Variants in SYPL1 observed in about 807,000 individuals in gnomAD.
SYPL1 encodes the protein synaptophysin-like protein 1.
Under a neutral mutation model 23.7 loss-of-function variants are expected in SYPL1, and 6 were observed. That is an observed-to-expected ratio of 0.25 (90% CI 0.14 to 0.50). The LOEUF is 0.50. SYPL1 is among the 20% of genes least tolerant of loss of function. The pLI is 0.98. For synonymous variants in SYPL1, 102 were observed against 104.5 expected (o/e 0.98, Z 0.15); for missense variants, 253 against 288.9 (o/e 0.88, Z 0.90).
chr7:106,108,923 T>C (rs1008820962), intron 1 of SYPL1, among the ~76,000 whole-genome samples: 2 of 152,168 alleles, frequency 1.3e-5, no homozygotes, highest in African/African-American at 4.8e-5. Context: ...GTGCTGACAT[T>C]TGTACTGATG....
upstream of SYPL1, chr7:106,112,421 C>T (rs1337407104): frequency 1.7e-6 from 2 of 1,182,104 alleles, no homozygotes; most frequent in Admixed American, 4.3e-5. Flanking sequence ...AGTGGGGCGG[C>T]TGGGGAGGCG....
intron 2 of SYPL1, 122 bp downstream of exon 2, chr7:106,099,036 T>C: frequency 8.0e-7 from 1 of 1,255,308 alleles, no homozygotes; most frequent in African/African-American, 1.5e-5. Context: ...TAATGATCAC[T>C]TACAAATGAG....
rs141795149 is a variant in SYPL1 at position 106,102,775 on chromosome 7, G to C, written c.70-3493C>G. Among the ~76,000 whole-genome samples, 2 of 152,162 alleles carry C rather than the reference G, an allele frequency of 1.3e-5. 1 individual carries two copies. Among genetic ancestry groups the C allele is most frequent in the South Asian group, 4.1e-4 (2 of 4,832 alleles). ...TTTGTTTTAAACTGCTAAGCTCGGC[G>C]TAATTTGTTATACAGCAATAGATAA... On this transcript the variant is annotated intron_variant, in intron 1 of 4. Coordinates refer to ENST00000455385, the MANE Select transcript of SYPL1 (RefSeq NM_182715.4).
rs1243601456 is a variant in SYPL1 at position 106,095,593 on chromosome 7, C to G, written c.402+2097G>C. On this transcript the variant is annotated intron_variant, in intron 3 of 4. Transcript: ENST00000455385. The surrounding 1 kb of genome is among the most constrained non-coding windows in gnomAD (Gnocchi z 4.3). ...CGAACTCCTGACCTCCTGGAGTGAT[C>G]CACCCACCTCGGCCTCCCAAAGTGC... Among the ~76,000 whole-genome samples, 1 of 152,132 alleles carries G rather than the reference C, an allele frequency of 6.6e-6. No homozygotes were observed. The highest frequency in any genetic ancestry group is 6.5e-5 in the Admixed American group (1 of 15,278).
rs1224545469 is a variant in SYPL1, at chr7:106,108,317, A to G, written c.69+3823T>C. Among the ~76,000 whole-genome samples the G allele has an allele frequency of 2.0e-5, 3 of 152,206 alleles. No homozygotes were observed. The East Asian group carries it at 5.8e-4, about 29-fold the overall frequency. On this transcript the variant is annotated intron_variant, in intron 1 of 4. Transcript: ENST00000455385. ...TGATCTGGCTGGCTGTCTTGAAGTA[A>G]GCCTGTCACTCTGTGGAAAACTGAC...
chr7:106,107,780 A>G (rs573407703), intron 1 of SYPL1, among the ~76,000 whole-genome samples: 1 of 152,066 alleles, frequency 6.6e-6, no homozygotes, highest in Non-Finnish European at 1.5e-5. Context: ...ATGAGAAGTA[A>G]ACTCTAGAGT....
chr7:106,097,822 T>C lies in SYPL1; in HGVS notation c.270A>G (p.Ile90Met). 4.3e-6 allele frequency: 7 copies of C among 1,614,090 alleles called. No homozygotes were observed. Among genetic ancestry groups the C allele is most frequent in the Non-Finnish European group, 5.9e-6 (7 of 1,179,966 alleles). ...ATTGTGCAGAAGAAGAGTAATCGCCTATGAGGACGTAATCTTTCCAATTTA... is the reference window on the plus strand; with the variant it reads ...ATTGTGCAGAAGAAGAGTAATCGCCCATGAGGACGTAATCTTTCCAATTTA... ...CDVNWKDYVLIGDYSSSAQFY... is the reference protein window; with the variant it reads ...CDVNWKDYVLMGDYSSSAQFY... Residue 90 changes from isoleucine to methionine, a missense_variant, in exon 3 of 5, where the codon ATA (isoleucine) becomes ATG (methionine). Physicochemically the swap from Ile to Met is conservative, Grantham distance 10. Coordinates refer to ENST00000455385, the MANE Select transcript of SYPL1 (RefSeq NM_182715.4). The surrounding 1 kb of genome is among the most constrained non-coding windows in gnomAD (Gnocchi z 4.6).
In SYPL1 at chr7:106,096,275, G is replaced by T. The variant is rs1464788775; in HGVS notation, c.402+1415C>A. 1 of 152,086 alleles carries T rather than the reference G, an allele frequency of 6.6e-6. No homozygotes were observed. Among genetic ancestry groups the T allele is most frequent in the Non-Finnish European group, 1.5e-5 (1 of 68,004 alleles). The allele number at this position is 152,086 out of a possible 1,614,324, so 9.4% of individuals were successfully genotyped here. The stretch of plus-strand genomic sequence containing the variant: ...ACAGAATTAAATATGAATGATAAAA[G>T]ACTGTTGTATTACTTACCATTTCCA... On this transcript the variant is annotated intron_variant, in intron 3 of 4. Coordinates refer to ENST00000455385, the MANE Select transcript of SYPL1 (RefSeq NM_182715.4). This position sits in a 1 kb window ranked among gnomAD's most constrained non-coding sequence, Gnocchi z 4.4.
Position 106,108,126 on chromosome 7 carries a change from C to T in SYPL1, c.69+4014G>A, listed in dbSNP as rs551058013. ...AGAAGAATCTCTGGAACCTGGAAGG[C>T]GAGGTTGCATTGAGCCGAGACCACA... On this transcript the variant is annotated intron_variant, in intron 1 of 4. Transcript: ENST00000455385. Among the ~76,000 whole-genome samples, 23 of 151,552 alleles carry T rather than the reference C, an allele frequency of 1.5e-4. No homozygotes were observed. In the South Asian group the frequency reaches 4.0e-3, roughly 26 times the overall value.
chr7:106,099,406 C>A, intron 1 of SYPL1, 124 bp from the exon 2 acceptor site: 2 of 1,215,452 alleles, frequency 1.6e-6, no homozygotes, highest in East Asian at 2.6e-5. Flanking sequence ...TCTAGAAATT[C>A]TTTTTTTGAG....
chr7:106,107,742 C>CAA (rs10622990), intron 1 of SYPL1, among the ~76,000 whole-genome samples: 5,383 of 79,274 alleles, frequency 0.068, 597 homozygotes, highest in African/African-American at 0.21. Flanking sequence ...ACTCCGTCTC[C>CAA]AAAAAAAAAA....
chr7:106,107,512 G>A (rs796118294), intron 1 of SYPL1, among the ~76,000 whole-genome samples: 20 of 152,156 alleles, frequency 1.3e-4, no homozygotes, highest in African/African-American at 4.8e-4. Flanking sequence ...AGGCCAGGGC[G>A]GACGGACTAC....
At position 106,093,518 on chromosome 7, in the gene SYPL1, C is replaced by T. The variant is rs1003800699; in HGVS notation, c.403-381G>A. Among the ~76,000 whole-genome samples the T allele has an allele frequency of 2.6e-5, 4 of 152,144 alleles. 1 individual carries two copies. The highest frequency in any genetic ancestry group is 9.7e-5 in the African/African-American group (4 of 41,412). ...TTTTGATCATCCCATTTTCCCATAA[C>T]ACCTCTTTCCAGCTCACTGTCTCTG... On this transcript the variant is annotated intron_variant, in intron 3 of 4. Coordinates refer to ENST00000455385, the MANE Select transcript of SYPL1 (RefSeq NM_182715.4).
rs188936528 is a variant in SYPL1 at position 106,097,563 on chromosome 7, C to T, written c.402+127G>A. 1.9e-5 allele frequency: 15 copies of T among 781,082 alleles called. No homozygotes were observed. In the South Asian group the frequency reaches 3.9e-4, roughly 20 times the overall value. The allele number at this position is 781,082 out of a possible 1,614,324, so 48.4% of individuals were successfully genotyped here. On this transcript the variant is annotated intron_variant, in intron 3 of 4. Coordinates refer to ENST00000455385, the MANE Select transcript of SYPL1 (RefSeq NM_182715.4). This position sits in a 1 kb window ranked among gnomAD's most constrained non-coding sequence, Gnocchi z 4.6. ...AACTTAATGGGAGAAAGCTCAACCT[C>T]GTGGCAAACACAGGCTAAAATATGC...
At chr7:106,101,462 C>A (rs753924111) in intron 1 of SYPL1, among the ~76,000 whole-genome samples, 2 of 69,416 alleles carry the variant, frequency 2.9e-5, no homozygotes, top group African/African-American at 6.3e-5. Flanking sequence ...CCCCCCCCCC[C>A]CCCCCACAAA....
rs6962415 is a variant in SYPL1 at position 106,112,259 on chromosome 7, G to A, written c.-51C>T. ...GTCAGGACGACGGGGCGGAGGAGGGGACCGACGAGACCAGAGCAGCCCGGT... is the reference window on the plus strand; with the variant it reads ...GTCAGGACGACGGGGCGGAGGAGGGAACCGACGAGACCAGAGCAGCCCGGT... On this transcript the variant is annotated 5_prime_UTR_variant, in exon 1 of 5. Transcript: ENST00000455385. The A allele has an allele frequency of 1.3e-6, 2 of 1,507,364 alleles. No homozygotes were observed. Among genetic ancestry groups the A allele is most frequent in the South Asian group, 1.2e-5 (1 of 80,858 alleles). 93.4% of individuals were successfully genotyped at this position (1,507,364 alleles called of 1,614,324 possible).
rs776904882 is a variant in SYPL1, at chr7:106,104,952, C to T, written c.70-5670G>A. 1.3e-5 allele frequency among the ~76,000 whole-genome samples: 2 copies of T among 152,244 alleles called. No individual in the cohort carries two copies. The highest frequency in any genetic ancestry group is 3.9e-4 in the East Asian group (2 of 5,180). ...GAATTTGTTGTCATTGTTTTAATATCAGGGTATTACACATAAAAATTTGGA... is the reference window on the plus strand; with the variant it reads ...GAATTTGTTGTCATTGTTTTAATATTAGGGTATTACACATAAAAATTTGGA... On this transcript the variant is annotated intron_variant, in intron 1 of 4. Transcript: ENST00000455385. This position sits in a 1 kb window ranked among gnomAD's most constrained non-coding sequence, Gnocchi z 4.1.
At chr7:106,099,902 A>T (rs1840225433) in intron 1 of SYPL1, among the ~76,000 whole-genome samples, 1 of 152,080 alleles carries the variant, frequency 6.6e-6, no homozygotes, top group African/African-American at 2.4e-5. Context: ...TCATTTGCAA[A>T]CCTCGACAAA....
chr7:106,103,745 A>C (rs567774166), intron 1 of SYPL1, among the ~76,000 whole-genome samples: 1 of 152,222 alleles, frequency 6.6e-6, no homozygotes, highest in African/African-American at 2.4e-5. Context: ...TTAATAGAAC[A>C]CTGAAAATTA....
Sources: allele counts gnomAD v4.1 joint callset (sites outside exome capture counted in the v4.1 genomes callset), GRCh38; gene constraint gnomAD v4.1.1; non-coding constraint Gnocchi (gnomAD v3.1); transcripts MANE v1.5; gene names NCBI Gene and HGNC (gene_info 2026-07-23, HGNC 2026-07-21).